Variants in MYO16 observed in about 807,000 individuals in gnomAD.
MYO16 encodes myosin XVI, also known as unconventional myosin-XVI.
Under a neutral mutation model 205.3 loss-of-function variants are expected in MYO16, and 94 were observed. The ratio of observed to expected loss-of-function variants is 0.46; its 90% confidence interval spans 0.39 to 0.54. The LOEUF (loss-of-function observed/expected upper bound fraction) is 0.54. Among genes scored for constraint, MYO16 ranks in the 20% least tolerant of loss-of-function variants. MYO16 has a pLI of 0.00. For missense variants in MYO16, 2,315 were observed against 2,387.5 expected (o/e 0.97, Z 0.63); for synonymous variants, 988 against 954.0 (o/e 1.04, Z -0.66).
intron 24 of MYO16, among the ~76,000 whole-genome samples, chr13:109,051,559 C>G (rs932988968): frequency 6.6e-6 from 1 of 152,102 alleles, no homozygotes; most frequent in Non-Finnish European, 1.5e-5. Flanking sequence ...TTCCTTTTGA[C>G]CCTTAACCGC....
At chr13:108,554,284 TG>T in the MYO16 span, among the ~76,000 whole-genome samples, 1 of 152,196 alleles carries the variant, frequency 6.6e-6, no homozygotes, top group East Asian at 1.9e-4. Context: ...GTCTTTTTCT[TG>T]TGCTTTTATC....
intron 23 of MYO16, among the ~76,000 whole-genome samples, chr13:109,022,948 TAC>T (rs931493387): frequency 1.5e-5 from 2 of 135,122 alleles, no homozygotes; most frequent in African/African-American, 2.7e-5. Context: ...AATATATGTA[TAC>T]ATTTATATAT....
chr13:109,140,195 A>T lies in MYO16; in HGVS notation c.4052-69A>T. ...CGGGGCCGTGGCTCCCTCCGAGTCG[A>T]GCCCCGGGCTTGGTGGGCACCCGTG... On this transcript the variant is annotated intron_variant, in intron 31 of 34. Coordinates refer to ENST00000457511, the MANE Select transcript of MYO16 (RefSeq NM_001198950.3). This position sits in a 1 kb window ranked among gnomAD's most constrained non-coding sequence, Gnocchi z 8.0. 6.4e-7 allele frequency: 1 copy of T among 1,564,746 alleles called. No individual in the cohort carries two copies.
At chr13:108,684,413 G>T (rs1038042040) in intron 2 of MYO16, among the ~76,000 whole-genome samples, 1 of 152,192 alleles carries the variant, frequency 6.6e-6, no homozygotes, top group Non-Finnish European at 1.5e-5. Context: ...AGGAAAGGGG[G>T]TATGTGCTAT....
upstream of MYO16, among the ~76,000 whole-genome samples, chr13:108,591,927 C>T (rs909368758): frequency 1.3e-5 from 2 of 151,872 alleles, no homozygotes; most frequent in African/African-American, 4.8e-5. Context: ...ACTTTTCTAG[C>T]GTGGAGACTA....
At chr13:108,801,338 C>A (rs899118683) in intron 6 of MYO16, among the ~76,000 whole-genome samples, 1 of 152,178 alleles carries the variant, frequency 6.6e-6, no homozygotes, top group African/African-American at 2.4e-5. Context: ...CAAATACATT[C>A]TTTCATACAC....
chr13:108,935,368 A>T lies in MYO16; in HGVS notation c.1926-22320A>T, dbSNP rs796422542. 3.3e-5 allele frequency among the ~76,000 whole-genome samples: 5 copies of T among 151,832 alleles called. No individual in the cohort carries two copies. The South Asian group carries it at 1.0e-3, about 31-fold the overall frequency. ...GTTATACATATTCCTAGGTATTTGC[A>T]TGTGGCATTTGTAAAAGGGATTGCA... On this transcript the variant is annotated intron_variant, in intron 16 of 34. Coordinates refer to ENST00000457511, the MANE Select transcript of MYO16 (RefSeq NM_001198950.3).
intron 2 of MYO16, among the ~76,000 whole-genome samples, chr13:108,693,443 G>C (rs1488588463): frequency 6.6e-6 from 1 of 151,960 alleles, no homozygotes; most frequent in Non-Finnish European, 1.5e-5. Flanking sequence ...CTGTCTCTGT[G>C]AATTTCCCTA....
At chr13:108,549,419 T>C in the MYO16 span, among the ~76,000 whole-genome samples, 1 of 18,056 alleles carries the variant, frequency 5.5e-5, no homozygotes, top group Non-Finnish European at 1.0e-3. Context: ...GTTTCTGTAT[T>C]TTTTTTTTTT....
intron 32 of MYO16, among the ~76,000 whole-genome samples, chr13:109,151,832 TAA>T (rs1486054837): frequency 2.0e-5 from 3 of 152,194 alleles, no homozygotes; most frequent in African/African-American, 7.2e-5. Flanking sequence ...TCCATGTCAC[TAA>T]AAAGCAAACC....
intron 2 of MYO16, among the ~76,000 whole-genome samples, chr13:108,680,429 T>C (rs1882414521): frequency 6.6e-6 from 1 of 152,234 alleles, no homozygotes; most frequent in South Asian, 2.1e-4. Context: ...GCCAGCTGTC[T>C]AGTCTATTAT....
chr13:109,141,075 C>A lies in MYO16; in HGVS notation c.4863C>A (p.Pro1621=). 6.9e-7 allele frequency: 1 copy of A among 1,452,470 alleles called. No homozygotes were observed. The highest frequency in any genetic ancestry group is 9.1e-7 in the Non-Finnish European group (1 of 1,103,902). The allele number at this position is 1,452,470 out of a possible 1,614,324, so 90.0% of individuals were successfully genotyped here. The change falls in exon 32 of 35, where the codon CCC becomes CCA. Residue 1621 remains proline, a synonymous_variant. Coordinates refer to ENST00000457511, the MANE Select transcript of MYO16 (RefSeq NM_001198950.3). The surrounding 1 kb of genome is among the most constrained non-coding windows in gnomAD (Gnocchi z 4.1). ...PCAHLAFPPE[P]APVNAGKAGP... ...CGCACTTGGCCTTCCCGCCGGAGCC[C>A]GCCCCGGTGAACGCGGGGAAAGCGG... is the stretch of plus-strand genomic sequence containing the variant.
intron 22 of MYO16, among the ~76,000 whole-genome samples, chr13:109,018,296 C>A (rs1885897343): frequency 6.6e-6 from 1 of 152,196 alleles, no homozygotes; most frequent in African/African-American, 2.4e-5. Context: ...TCACCAGCAG[C>A]AGCTGCAGAA....
chr13:108,621,324 TC>T (rs1422866514), intron 1 of MYO16, among the ~76,000 whole-genome samples: 6 of 152,088 alleles, frequency 3.9e-5, no homozygotes, highest in African/African-American at 1.2e-4. Context: ...TCTATGGTAG[TC>T]CCCCCACTTA....
intron 2 of MYO16, among the ~76,000 whole-genome samples, chr13:108,677,901 T>C (rs1882300717): frequency 6.6e-6 from 1 of 152,210 alleles, no homozygotes; most frequent in Non-Finnish European, 1.5e-5. Flanking sequence ...AACCTAGAGT[T>C]TTCTGATTTA....
Position 109,055,553 on chromosome 13 carries a change from A to G in MYO16, c.3293A>G (p.Tyr1098Cys), listed in dbSNP as rs764838777. Residue 1098 changes from tyrosine to cysteine, a missense_variant, in exon 27 of 35, where the codon TAT becomes TGT. Physicochemically the swap from Tyr to Cys is radical, Grantham distance 194. Coordinates refer to ENST00000457511, the MANE Select transcript of MYO16 (RefSeq NM_001198950.3). The surrounding 1 kb of genome is among the most constrained non-coding windows in gnomAD (Gnocchi z 5.0). The stretch of plus-strand genomic sequence containing the variant: ...CTGGAGATGGTGAAGATCTTCCGAT[A>G]TGGATACCCTGTTCGCCTTTCCTTC... ...GVLEMVKIFR[Y>C]GYPVRLSFSD... The G allele has an allele frequency of 1.2e-6, 2 of 1,612,742 alleles. No homozygotes were observed. Among genetic ancestry groups the G allele is most frequent in the Admixed American group, 1.7e-5 (1 of 59,896 alleles).
chr13:108,727,307 C>A, intron 3 of MYO16, 133 bp from the exon 4 acceptor site: 2 of 842,274 alleles, frequency 2.4e-6, no homozygotes, highest in South Asian at 1.9e-5. Flanking sequence ...GGAAATACAT[C>A]TTTTCCCAGG....
rs1321046061 is a variant in MYO16, at chr13:109,023,652, TATATATGTATATATGCAA to T, written c.2796+3756_2796+3773del. ...AGACAAATATATATACAAATATATG[TATATATGTATATATGCAA>T]ATATATGTATATATACATATATATG... On this transcript the variant is annotated intron_variant, in intron 23 of 34. Coordinates refer to ENST00000457511, the MANE Select transcript of MYO16 (RefSeq NM_001198950.3). 1.5e-3 allele frequency among the ~76,000 whole-genome samples: 188 copies of T among 129,092 alleles called. 1 individual carries two copies. The highest frequency in any genetic ancestry group is 5.2e-3 in the African/African-American group (180 of 34,780). 84.7% of individuals were successfully genotyped at this position (129,092 alleles called of 152,430 possible).
chr13:108,938,044 T>C (rs915466988), intron 16 of MYO16, among the ~76,000 whole-genome samples: 2 of 151,954 alleles, frequency 1.3e-5, no homozygotes, highest in African/African-American at 2.4e-5. Flanking sequence ...TATGCATGTG[T>C]TTTTTTTCTT....
Sources: allele counts gnomAD v4.1 joint callset (sites outside exome capture counted in the v4.1 genomes callset), GRCh38; gene constraint gnomAD v4.1.1; non-coding constraint Gnocchi (gnomAD v3.1); transcripts MANE v1.5; gene names NCBI Gene and HGNC (gene_info 2026-07-23, HGNC 2026-07-21).